The following TYMS variants were observed in gnomAD, a reference collection of about 807,000 sequenced individuals.
The protein encoded by TYMS is thymidylate synthase.
Under a neutral mutation model 39.3 loss-of-function variants are expected in TYMS, and 21 were observed. The ratio of observed to expected loss-of-function variants is 0.54; its 90% CI spans 0.38 to 0.77. The LOEUF (loss-of-function observed/expected upper bound fraction) is 0.77. Ranked by LOEUF, TYMS falls within the 30% of genes least tolerant of loss-of-function variation. The pLI is 0.00. For synonymous variants in TYMS, 171 were observed against 162.2 expected, an observed-to-expected ratio of 1.05 and a Z score of -0.41; for missense variants, 273 against 406.7, an observed-to-expected ratio of 0.67 and a Z score of 2.83.
intron 1 of TYMS, 65 bp from the exon 2 acceptor site, chr18:659,576 T>A (rs2074735097): frequency 6.9e-7 from 1 of 1,455,782 alleles, no homozygotes; most frequent in South Asian, 1.1e-5. Flanking sequence ...TTTTCTTCCC[T>A]GAAGAAAGTT....
At chr18:672,779 T>C in intron 6 of TYMS, 81 bp from the exon 7 acceptor site, 1 of 1,438,210 alleles carries the variant, frequency 7.0e-7, no homozygotes, top group Non-Finnish European at 9.4e-7. Flanking sequence ...TCACATCCTG[T>C]GTACTTGTTT....
At chr18:657,985 G>T in intron 1 of TYMS, 38 bp downstream of exon 1, 1 of 1,510,658 alleles carries the variant, frequency 6.6e-7, no homozygotes. Flanking sequence ...GTGGCGGGAA[G>T]GAGGGAGGCG....
At chr18:671,873 G>A (rs577955910) in intron 6 of TYMS, 27 of 176,646 alleles carry the variant, frequency 1.5e-4, no homozygotes, top group South Asian at 4.0e-4. Context: ...TCCACCTCCC[G>A]GGTTCAAGCA....
In TYMS at chr18:658,304, G is replaced by T. The variant is rs2074715337; in HGVS notation, c.205+357G>T. On this transcript the variant is annotated intron_variant, in intron 1 of 6. Transcript: ENST00000323274. The surrounding 1 kb of genome is among the most constrained non-coding windows in gnomAD (Gnocchi z 4.5). ...GGGAGAGCTGCCTGGGCTTGACCGC[G>T]CGCCGGTCTCAAAGTCCTGGCTTTG... is the stretch of plus-strand genomic sequence containing the variant. 2 of 1,390,064 alleles carry T rather than the reference G, an allele frequency of 1.4e-6. No homozygotes were observed. The highest frequency in any genetic ancestry group is 9.6e-7 in the Non-Finnish European group (1 of 1,045,156). 86.1% of individuals were successfully genotyped at this position (1,390,064 alleles called of 1,614,324 possible).
rs1567987545 is a variant in TYMS, at chr18:662,522, T to TTA, written c.454+202_454+203insTA. Among the ~76,000 whole-genome samples the TTA allele has an allele frequency of 3.4e-5, 5 of 146,174 alleles. No individual in the cohort carries two copies. The South Asian group carries it at 8.6e-4, about 25-fold the overall frequency. ...TCACACTCTTTTTTTTTTTTTTTTT[T>TTA]AATTATTATACTTTAAGTTTTAGGG... On this transcript the variant is annotated intron_variant, in intron 3 of 6. Coordinates refer to ENST00000323274, the MANE Select transcript of TYMS (RefSeq NM_001071.4).
chr18:668,551 G>A (rs2074904854), intron 3 of TYMS, among the ~76,000 whole-genome samples: 1 of 152,204 alleles, frequency 6.6e-6, no homozygotes, highest in Non-Finnish European at 1.5e-5. Flanking sequence ...AATTTTAGGT[G>A]GAAGTGTTGG....
chr18:667,376 T>TGATGGTGATGGTGATGGA (rs2074866746), intron 3 of TYMS, among the ~76,000 whole-genome samples: 2 of 18,526 alleles, frequency 1.1e-4, no homozygotes, highest in African/African-American at 5.7e-4. Context: ...ATGGTGATGG[T>TGATGGTGATGGTGATGGA]GATGGTGATG....
At chr18:661,935 C>T (rs1040829148) in intron 2 of TYMS, among the ~76,000 whole-genome samples, 4 of 152,190 alleles carry the variant, frequency 2.6e-5, no homozygotes, top group Non-Finnish European at 5.9e-5. Context: ...CCGTGAGCCA[C>T]GATCGCGCCA....
chr18:668,547 A>T (rs1039974091), intron 3 of TYMS, among the ~76,000 whole-genome samples: 4 of 152,338 alleles, frequency 2.6e-5, no homozygotes, highest in South Asian at 4.1e-4. Flanking sequence ...AAGTAATTTT[A>T]GGTGGAAGTG....
At position 657,902 on chromosome 18, in the gene TYMS, G is replaced by C; in HGVS notation, c.160G>C (p.Gly54Arg). 6.6e-7 allele frequency: 1 copy of C among 1,512,970 alleles called. No homozygotes were observed. The highest frequency in any genetic ancestry group is 8.8e-7 in the Non-Finnish European group (1 of 1,136,310). The allele number at this position is 1,512,970 out of a possible 1,614,324, so 93.7% of individuals were successfully genotyped here. A position where few individuals can be genotyped will look rare whatever the true frequency, so the allele number is the denominator to read the frequency against. The part of the protein sequence containing the change: ...GVRKDDRTGT[G>R]TLSVFGMQAR... ...CAGGAAGGACGACCGCACGGGCACC[G>C]GCACCCTGTCGGTATTCGGCATGCA... The change falls in exon 1 of 7, where the codon GGC (glycine) becomes CGC (arginine). Residue 54 changes from glycine to arginine, a missense_variant. This residue lies in a region of TYMS where 228 missense variants were observed against 326.1 expected (regional missense o/e 0.70). Transcript: ENST00000323274.
At position 662,502 on chromosome 18, in the gene TYMS, C is replaced by CTT. The variant is rs1491558998; in HGVS notation, c.454+183_454+184insTT. ...TAAGCCTCATGAAGGCCGTTTCACA[C>CTT]TCTTTTTTTTTTTTTTTTTTAATTA... On this transcript the variant is annotated intron_variant, in intron 3 of 6. Transcript: ENST00000323274. 2.4e-4 allele frequency among the ~76,000 whole-genome samples: 29 copies of CTT among 122,960 alleles called. No individual in the cohort carries two copies. The South Asian group carries it at 7.7e-3, about 33-fold the overall frequency. 80.7% of individuals were successfully genotyped at this position (122,960 alleles called of 152,430 possible).
Position 662,262 on chromosome 18 carries a change from C to G in TYMS, c.396C>G (p.Gly132=), listed in dbSNP as rs758058893. ...GFSTREEGDL[G]PVYGFQWRHF... is the part of the protein sequence containing the mutation. ...CCACCAGAGAAGAAGGGGACTTGGG[C>G]CCAGTTTATGGCTTCCAGTGGAGGC... The change falls in exon 3 of 7, where the codon GGC becomes GGG. Residue 132 remains glycine (G), a synonymous_variant. Coordinates refer to ENST00000323274, the MANE Select transcript of TYMS (RefSeq NM_001071.4). The G allele has an allele frequency of 6.2e-7, 1 of 1,613,910 alleles. No individual in the cohort carries two copies. Among genetic ancestry groups the G allele is most frequent in the Non-Finnish European group, 8.5e-7 (1 of 1,179,952 alleles).
intron 6 of TYMS, 44 bp from the exon 7 acceptor site, chr18:672,816 G>A (rs768597616): frequency 6.5e-7 from 1 of 1,533,018 alleles, no homozygotes; most frequent in Non-Finnish European, 8.9e-7. Flanking sequence ...AATTACAACA[G>A]GTCGTACAAT....
In TYMS at chr18:671,452, G is replaced by GT; in HGVS notation, c.804+2dup. ...TCACATCGAGCCACTGAAAATTCAG[G>GT]TAAGAATTAGATGTTATACTTTTGG... On this transcript the variant is annotated splice_donor_variant, in intron 6 of 6. Transcript: ENST00000323274. LOFTEE classifies it high-confidence loss of function. The GT allele has an allele frequency of 6.2e-7, 1 of 1,602,922 alleles. No individual in the cohort carries two copies. The highest frequency in any genetic ancestry group is 8.5e-7 in the Non-Finnish European group (1 of 1,171,096).
At chr18:664,571 A>G (rs1402862945) in intron 3 of TYMS, among the ~76,000 whole-genome samples, 1 of 134,244 alleles carries the variant, frequency 7.4e-6, no homozygotes, top group African/African-American at 3.1e-5. Flanking sequence ...AGGAGTGGTG[A>G]GAGAGGGCAT....
intron 3 of TYMS, among the ~76,000 whole-genome samples, chr18:668,124 G>T (rs747382151): frequency 6.6e-6 from 1 of 150,954 alleles, no homozygotes; most frequent in Non-Finnish European, 1.5e-5. Context: ...GTCAGATTTT[G>T]CTAGTTTTAC....
intron 3 of TYMS, among the ~76,000 whole-genome samples, chr18:664,344 T>G (rs1341723046): frequency 3.3e-5 from 5 of 149,996 alleles, no homozygotes; most frequent in Non-Finnish European, 5.9e-5. Context: ...ATAAGAATGC[T>G]TGTGATTTTT....
chr18:669,416 A>G (rs1438804384), intron 4 of TYMS: 7 of 359,848 alleles, frequency 1.9e-5, no homozygotes, highest in Non-Finnish European at 3.4e-5. Flanking sequence ...TCTGTTGCCC[A>G]GGCTGGAATG....
In TYMS at chr18:671,471, C is replaced by CTT. The variant is rs766106885; in HGVS notation, c.804+23_804+24dup. On this transcript the variant is annotated intron_variant, in intron 6 of 6. Transcript: ENST00000323274. ...ATTCAGGTAAGAATTAGATGTTATA[C>CTT]TTTTGGGTTTGGTACCTTCTCTTGA... 4 of 1,563,728 alleles carry CTT rather than the reference C, an allele frequency of 2.6e-6. No individual in the cohort carries two copies. Among genetic ancestry groups the CTT allele is most frequent in the Non-Finnish European group, 3.5e-6 (4 of 1,134,928 alleles).
Sources: gnomAD v4.1 joint callset for allele counts (sites outside exome capture counted in the v4.1 genomes callset) on GRCh38, gnomAD v4.1.1 for gene constraint, gnomAD v4.1.1 regional missense constraint, Gnocchi (gnomAD v3.1) non-coding constraint, MANE v1.5 for transcripts, NCBI Gene and HGNC (gene_info 2026-07-23, HGNC 2026-07-21) for gene names.